ZBBX: variants seen among roughly 807,000 people sequenced by gnomAD.
ZBBX encodes zinc finger B-box domain containing.
A neutral mutation model predicts 108.5 loss-of-function variants in ZBBX; 101 were observed. That is an observed-to-expected ratio of 0.93 (90% confidence interval 0.79 to 1.10). The LOEUF is 1.10. Ranked by LOEUF, ZBBX falls within the 50% of genes least tolerant of loss-of-function variation. The pLI, the probability that ZBBX is intolerant of heterozygous loss-of-function variation, is 0.00. For missense variants in ZBBX, 1,009 were observed against 941.4 expected (o/e 1.07, Z -0.94); for synonymous variants, 356 against 323.4 (o/e 1.10, Z -1.08).
At chr3:167,222,790 G>C in the ZBBX span, among the ~76,000 whole-genome samples, 3 of 152,032 alleles carry the variant, frequency 2.0e-5, no homozygotes, top group South Asian at 4.1e-4. Context: ...AGGCTGACAA[G>C]GGTGTGTTTT....
At chr3:167,363,174 C>T (rs1204964902) in intron 6 of ZBBX, among the ~76,000 whole-genome samples, 1 of 151,970 alleles carries the variant, frequency 6.6e-6, no homozygotes, top group East Asian at 1.9e-4. Flanking sequence ...CTATGTACCA[C>T]TGTGATAAAA....
At chr3:167,231,977 G>A in the ZBBX span, among the ~76,000 whole-genome samples, 2 of 151,664 alleles carry the variant, frequency 1.3e-5, no homozygotes, top group South Asian at 4.1e-4. Flanking sequence ...ACTTTCCAGA[G>A]AAGAAAATAC....
At chr3:167,222,808 C>T in the ZBBX span, among the ~76,000 whole-genome samples, 1 of 151,382 alleles carries the variant, frequency 6.6e-6, no homozygotes, top group Non-Finnish European at 1.5e-5. Flanking sequence ...TTTTGGTGGG[C>T]TAGTGGGATA....
chr3:167,361,161 T>C (rs1744443126), intron 6 of ZBBX, among the ~76,000 whole-genome samples: 4 of 152,122 alleles, frequency 2.6e-5, no homozygotes, highest in Admixed American at 1.3e-4. Flanking sequence ...GAAACCCATA[T>C]TATTTTATTT....
At chr3:167,262,696 G>A (rs554486279) in intron 20 of ZBBX, among the ~76,000 whole-genome samples, 1 of 152,242 alleles carries the variant, frequency 6.6e-6, no homozygotes, top group African/African-American at 2.4e-5. Context: ...ATCTTGGCAG[G>A]TTGTATATGC....
At chr3:167,356,562 T>C (rs1004148662) in intron 8 of ZBBX, among the ~76,000 whole-genome samples, 1 of 152,140 alleles carries the variant, frequency 6.6e-6, no homozygotes, top group South Asian at 2.1e-4. Flanking sequence ...CTATGTGTTA[T>C]ATTTAAAATT....
intron 1 of ZBBX, among the ~76,000 whole-genome samples, chr3:167,407,096 G>A (rs902510531): frequency 8.6e-5 from 13 of 151,800 alleles, no homozygotes; most frequent in African/African-American, 2.4e-4. Context: ...GCTGGGTGGC[G>A]CCAGATCATC....
At chr3:167,271,135 A>G (rs1329781131) in intron 20 of ZBBX, among the ~76,000 whole-genome samples, 2 of 152,204 alleles carry the variant, frequency 1.3e-5, no homozygotes, top group Non-Finnish European at 2.9e-5. Flanking sequence ...AATTGCAGGA[A>G]GGAACCATCC....
chr3:167,232,536 C>G, the ZBBX span, among the ~76,000 whole-genome samples: 1 of 151,778 alleles, frequency 6.6e-6, no homozygotes, highest in Non-Finnish European at 1.5e-5. Flanking sequence ...TTGTGTGAGA[C>G]AGACTTGAGT....
chr3:167,400,833 G>A (rs910013164), intron 1 of ZBBX, among the ~76,000 whole-genome samples: 3 of 152,024 alleles, frequency 2.0e-5, no homozygotes, highest in African/African-American at 4.8e-5. Context: ...CCAGGTATAG[G>A]TAGGTAAGAG....
chr3:167,247,475 T>A (rs1006539407), intron 20 of ZBBX, among the ~76,000 whole-genome samples: 1 of 152,116 alleles, frequency 6.6e-6, no homozygotes, highest in Non-Finnish European at 1.5e-5. Context: ...CCACGTGTGA[T>A]CCAATTCTTC....
chr3:167,319,751 T>C (rs557628965), intron 12 of ZBBX, among the ~76,000 whole-genome samples: 78 of 152,154 alleles, frequency 5.1e-4, no homozygotes, highest in African/African-American at 1.8e-3. Flanking sequence ...TCAGTGATAT[T>C]TGTGATTCTG....
At chr3:167,385,688 T>G (rs1017598248) in intron 1 of ZBBX, among the ~76,000 whole-genome samples, 2 of 152,094 alleles carry the variant, frequency 1.3e-5, no homozygotes, top group Non-Finnish European at 2.9e-5. Context: ...TTTAAAACTG[T>G]TTTTGTTAAA....
chr3:167,287,464 G>A (rs185470242), intron 19 of ZBBX, among the ~76,000 whole-genome samples: 35 of 152,200 alleles, frequency 2.3e-4, no homozygotes, highest in Admixed American at 1.7e-3. Context: ...TGCCCACAGC[G>A]ACTTTTGAGA....
At position 167,288,531 on chromosome 3, in the gene ZBBX, A is replaced by G. The variant is rs147168171; in HGVS notation, c.1996+336T>C. Among the ~76,000 whole-genome samples the G allele has an allele frequency of 1.5e-3, 226 of 152,292 alleles. 1 individual carries two copies. The highest frequency in any genetic ancestry group is 4.3e-4 in the Non-Finnish European group (29 of 68,012). ...GAAAGAGTATGCAAAATCTGGTATAAACATACTGCTTCCTGAGTGAGTAAT... is the reference window on the plus strand; with the variant it reads ...GAAAGAGTATGCAAAATCTGGTATAGACATACTGCTTCCTGAGTGAGTAAT... On this transcript the variant is annotated intron_variant, in intron 19 of 21. Coordinates refer to ENST00000675490, the MANE Select transcript of ZBBX (RefSeq NM_001199201.2).
At chr3:167,219,007 C>A in the ZBBX span, among the ~76,000 whole-genome samples, 16 of 151,420 alleles carry the variant, frequency 1.1e-4, no homozygotes, top group African/African-American at 3.4e-4. Context: ...AAATAGATTT[C>A]AAAACAAAAA....
the ZBBX span, among the ~76,000 whole-genome samples, chr3:167,184,670 G>C: frequency 2.0e-5 from 3 of 152,210 alleles, no homozygotes; most frequent in East Asian, 5.8e-4. Flanking sequence ...GAGACACCCA[G>C]TGTCCTAGCC....
chr3:167,208,050 T>C, the ZBBX span, among the ~76,000 whole-genome samples: 10 of 152,252 alleles, frequency 6.6e-5, no homozygotes, highest in South Asian at 2.1e-3. Flanking sequence ...AACTCAGTGC[T>C]TCCCTGTCAC....
intron 16 of ZBBX, among the ~76,000 whole-genome samples, chr3:167,308,143 G>A (rs1242542088): frequency 6.6e-6 from 1 of 151,972 alleles, no homozygotes. Context: ...ATAAAAAGTG[G>A]GCAAAGACAT....
Sources: allele counts gnomAD v4.1 joint callset (sites outside exome capture counted in the v4.1 genomes callset), GRCh38; gene constraint gnomAD v4.1.1; transcripts MANE v1.5; gene names NCBI Gene and HGNC (gene_info 2026-07-23, HGNC 2026-07-21).